The following WDPCP variants were observed in gnomAD, a reference collection of about 807,000 sequenced individuals.
WDPCP encodes WD repeat containing planar cell polarity effector.
Under a neutral mutation model 93.1 loss-of-function variants are expected in WDPCP, and 71 were observed. The ratio of observed to expected loss-of-function variants is 0.76; its 90% confidence interval spans 0.63 to 0.93. WDPCP has a LOEUF of 0.93. Ranked by LOEUF, WDPCP falls within the 40% of genes least tolerant of loss-of-function variation. WDPCP has a pLI of 0.00. For synonymous variants in WDPCP, 315 were observed against 315.0 expected (o/e 1.00, Z 0.00); for missense variants, 844 against 887.4 (o/e 0.95, Z 0.62).
At chr2:63,384,496 TAC>T (rs142552656) in intron 10 of WDPCP, among the ~76,000 whole-genome samples, 15 of 151,094 alleles carry the variant, frequency 9.9e-5, no homozygotes, top group East Asian at 1.9e-4. Context: ...CCTTTACACA[TAC>T]ACACACACAC....
At chr2:63,238,948 T>A (rs1169015066) in intron 14 of WDPCP, among the ~76,000 whole-genome samples, 1 of 152,120 alleles carries the variant, frequency 6.6e-6, no homozygotes, top group Non-Finnish European at 1.5e-5. Context: ...GACATAAATA[T>A]TCCTACCAGG....
At chr2:63,429,131 G>T (rs1696533817) in intron 9 of WDPCP, among the ~76,000 whole-genome samples, 1 of 152,168 alleles carries the variant, frequency 6.6e-6, no homozygotes, top group South Asian at 2.1e-4. Flanking sequence ...GCAGAAGAAT[G>T]AAACTGGAAC....
At chr2:63,816,085 T>A (rs1300548867) in intron 1 of WDPCP, among the ~76,000 whole-genome samples, 1 of 152,158 alleles carries the variant, frequency 6.6e-6, no homozygotes. Context: ...TGTATACAGG[T>A]TGAACAATTC....
At chr2:63,694,081 C>T (rs1485574500) in intron 2 of WDPCP, among the ~76,000 whole-genome samples, 5 of 152,136 alleles carry the variant, frequency 3.3e-5, no homozygotes, top group Non-Finnish European at 7.4e-5. Context: ...CCCTCCTCTT[C>T]TCTACTGTAT....
intron 12 of WDPCP, among the ~76,000 whole-genome samples, chr2:63,328,786 C>T (rs932292397): frequency 1.3e-5 from 2 of 152,166 alleles, no homozygotes; most frequent in African/African-American, 2.4e-5. Flanking sequence ...GGCTGGAGTA[C>T]AGCAGTCATG....
chr2:63,404,084 C>A lies in WDPCP; in HGVS notation c.1399G>T (p.Glu467Ter). Residue 467 changes from glutamate to a stop codon, truncating the protein, a stop_gained, in exon 10 of 18, where the codon GAA becomes TAA. Coordinates refer to ENST00000272321, the MANE Select transcript of WDPCP (RefSeq NM_015910.7). LOFTEE classifies it high-confidence loss of function. ...DIYDLLFLRF[E>*]RGPLGVLLFK... ...AACAGCACACCCAAAGGTCCTCTTT[C>A]AAACCTGAGGAAGAGGAGATCATAG... 1.2e-6 allele frequency: 2 copies of A among 1,614,114 alleles called. No individual in the cohort carries two copies. The highest frequency in any genetic ancestry group is 1.7e-6 in the Non-Finnish European group (2 of 1,180,004).
At chr2:63,457,773 C>T (rs930950393) in intron 6 of WDPCP, among the ~76,000 whole-genome samples, 4 of 152,128 alleles carry the variant, frequency 2.6e-5, no homozygotes, top group African/African-American at 9.7e-5. Context: ...GATAAAAACT[C>T]TCAACAAACT....
At chr2:63,651,466 C>CACACACAT (rs1710108631) in intron 2 of WDPCP, among the ~76,000 whole-genome samples, 1 of 150,324 alleles carries the variant, frequency 6.7e-6, no homozygotes, top group Non-Finnish European at 1.5e-5. Context: ...CACACACACA[C>CACACACAT]ACACACAGAG....
chr2:63,755,940 G>T (rs1196796430), intron 2 of WDPCP, among the ~76,000 whole-genome samples: 1 of 152,186 alleles, frequency 6.6e-6, no homozygotes, highest in Non-Finnish European at 1.5e-5. Flanking sequence ...CAGAGACCAG[G>T]TAATTCTCAT....
chr2:63,692,283 C>CT (rs1021607608), intron 2 of WDPCP, among the ~76,000 whole-genome samples: 1 of 151,756 alleles, frequency 6.6e-6, no homozygotes, highest in Non-Finnish European at 1.5e-5. Flanking sequence ...TACAGGAAAT[C>CT]TTTTTTACAT....
intron 2 of WDPCP, among the ~76,000 whole-genome samples, chr2:63,775,618 T>C (rs1322493420): frequency 6.6e-6 from 1 of 152,212 alleles, no homozygotes; most frequent in Non-Finnish European, 1.5e-5. Context: ...CCACTTCGCT[T>C]TTATTTCTTC....
At chr2:63,300,257 C>G (rs1003893800) in intron 13 of WDPCP, among the ~76,000 whole-genome samples, 1 of 152,090 alleles carries the variant, frequency 6.6e-6, no homozygotes, top group Non-Finnish European at 1.5e-5. Flanking sequence ...TTTCCTGGTG[C>G]ATGACAATGA....
chr2:63,428,324 C>T (rs1000171371), intron 9 of WDPCP, among the ~76,000 whole-genome samples: 1 of 152,014 alleles, frequency 6.6e-6, no homozygotes, highest in Non-Finnish European at 1.5e-5. Context: ...AACACAGATG[C>T]AAAAATCCTC....
At chr2:63,371,222 A>G (rs1350335029) in intron 12 of WDPCP, among the ~76,000 whole-genome samples, 1 of 152,038 alleles carries the variant, frequency 6.6e-6, no homozygotes, top group African/African-American at 2.4e-5. Context: ...TCTCTATTAT[A>G]TTCTTTGTCC....
chr2:63,491,677 T>A (rs1700887744), intron 2 of WDPCP, among the ~76,000 whole-genome samples: 1 of 152,162 alleles, frequency 6.6e-6, no homozygotes, highest in African/African-American at 2.4e-5. Flanking sequence ...CTTTAGAGCC[T>A]CCTTAATTAA....
rs1475014167 is a variant in WDPCP at position 63,708,364 on chromosome 2, T to C, written n.309-57526A>G. ...CCCCAGCCTCGCTGCTGCCTTGCAG[T>C]TTGATCTCAGACTGCTGTGCTAGCA... On this transcript the variant is annotated intron_variant and non_coding_transcript_variant, in intron 2 of 4. Transcript: ENST00000467687. 2.0e-5 allele frequency among the ~76,000 whole-genome samples: 3 copies of C among 152,194 alleles called. No individual in the cohort carries two copies. The East Asian group carries it at 5.8e-4, about 29-fold the overall frequency.
chr2:63,326,035 C>T (rs1292491367), intron 12 of WDPCP, among the ~76,000 whole-genome samples: 1 of 152,144 alleles, frequency 6.6e-6, no homozygotes, highest in Admixed American at 6.5e-5. Flanking sequence ...GTCTTAGTGT[C>T]AGAGGCTATC....
At chr2:63,304,703 G>GTT (rs71410995) in intron 13 of WDPCP, among the ~76,000 whole-genome samples, 2 of 151,982 alleles carry the variant, frequency 1.3e-5, no homozygotes, top group African/African-American at 4.8e-5. Flanking sequence ...AGCTGCAGGA[G>GTT]TTTTTTTTCA....
intron 2 of WDPCP, among the ~76,000 whole-genome samples, chr2:63,775,340 C>T (rs767483563): frequency 2.6e-5 from 4 of 152,160 alleles, no homozygotes; most frequent in Non-Finnish European, 4.4e-5. Flanking sequence ...AATTGTAATG[C>T]GGTCAGCCCA....
Sources: allele counts gnomAD v4.1 joint callset (sites outside exome capture counted in the v4.1 genomes callset), GRCh38; gene constraint gnomAD v4.1.1; transcripts MANE v1.5; gene names NCBI Gene and HGNC (gene_info 2026-07-23, HGNC 2026-07-21).